Variants in AHNAK observed in about 807,000 individuals in gnomAD.
The protein encoded by AHNAK is neuroblast differentiation-associated protein AHNAK.
In AHNAK, 23 loss-of-function variants were observed where a neutral mutation model predicts 37.8. The observed-to-expected ratio is 0.61, with a 90% CI of 0.44 to 0.86. The LOEUF (loss-of-function observed/expected upper bound fraction) is 0.86, where lower values mean the gene tolerates loss of function less well. Ranked by LOEUF, AHNAK falls within the 40% of genes least tolerant of loss-of-function variation. The pLI, the probability that AHNAK is intolerant of heterozygous loss-of-function variation, is 0.00. For synonymous variants in AHNAK, 2,481 were observed against 2,636.3 expected, an observed-to-expected ratio of 0.94 and a Z score of 1.80; for missense variants, 7,411 against 7,319.4, an observed-to-expected ratio of 1.01 and a Z score of -0.46.
chr11:62,433,989 A>G, intron 5 of AHNAK: 1 of 1,470,980 alleles, frequency 6.8e-7, no homozygotes. Context: ...AACTGAAAGA[A>G]GGTCCCCCCA....
chr11:62,487,158 G>T (rs896753584), intron 5 of AHNAK, among the ~76,000 whole-genome samples: 5 of 152,258 alleles, frequency 3.3e-5, no homozygotes, highest in Admixed American at 2.6e-4. Context: ...CTGATAAAGG[G>T]GTATAATTAC....
Position 62,535,856 on chromosome 11 carries a change from C to G in AHNAK, c.154+89G>C. 3 of 1,500,250 alleles carry G rather than the reference C, an allele frequency of 2.0e-6. No individual in the cohort carries two copies. In the East Asian group the frequency reaches 7.2e-5, roughly 36 times the overall value. The allele number at this position is 1,500,250 out of a possible 1,614,324, so 92.9% of individuals were successfully genotyped here. A position where few individuals can be genotyped will look rare whatever the true frequency, so the allele number is the denominator to read the frequency against. ...GAATGGGCCCTCGACAGCCACTCACCCACTTCTGCCTGCTCCCTGCCCTTC... is the reference window on the plus strand; with the variant it reads ...GAATGGGCCCTCGACAGCCACTCACGCACTTCTGCCTGCTCCCTGCCCTTC... On this transcript the variant is annotated intron_variant, in intron 3 of 4. Coordinates refer to ENST00000378024, the MANE Select transcript of AHNAK (RefSeq NM_001620.3).
Position 62,520,239 on chromosome 11 carries a change from A to C in AHNAK, c.14178T>G (p.Ile4726Met), listed in dbSNP as rs1940185141. The stretch of plus-strand genomic sequence containing the variant: ...CTTTGGGTCCTTTCAGGTTTAAGTC[A>C]ATATCAGGCATGGAGATCTTGGGGG... ...IKAPKISMPD[I>M]DLNLKGPKVK... The change falls in exon 5 of 5, where the codon ATT becomes ATG. Residue 4726 changes from isoleucine (I) to methionine (M), a missense_variant. Ile to Met is a conservative substitution (Grantham distance 10). Transcript: ENST00000378024. 4 of 1,611,688 alleles carry C rather than the reference A, an allele frequency of 2.5e-6. No individual in the cohort carries two copies. Among genetic ancestry groups the C allele is most frequent in the African/African-American group, 2.7e-5 (2 of 73,980 alleles).
Position 62,529,987 on chromosome 11 carries a change from T to C in AHNAK, c.4430A>G (p.Glu1477Gly), listed in dbSNP as rs1002242714. 2.5e-5 allele frequency: 41 copies of C among 1,613,754 alleles called. No individual in the cohort carries two copies. Among genetic ancestry groups the C allele is most frequent in the Non-Finnish European group, 3.5e-5 (41 of 1,179,986 alleles). ...AACATCAGGAGCTTTTATCTCTCCT[T>C]CTACTTTTGGAACTGTTACATCATA... ...GDYDVTVPKVEGEIKAPDVDI... is the reference protein window; with the variant it reads ...GDYDVTVPKVGGEIKAPDVDI... The change falls in exon 5 of 5, where the codon GAA becomes GGA. Residue 1477 changes from glutamate (E) to glycine (G), a missense_variant. Coordinates refer to ENST00000378024, the MANE Select transcript of AHNAK (RefSeq NM_001620.3).
intron 5 of AHNAK, among the ~76,000 whole-genome samples, chr11:62,480,835 T>C (rs1056240462): frequency 3.5e-5 from 5 of 144,792 alleles, no homozygotes; most frequent in Non-Finnish European, 7.4e-5. Context: ...AAACCTGGAT[T>C]TGCTGCCTTC....
chr11:62,465,221 G>C (rs1938882364), intron 5 of AHNAK, among the ~76,000 whole-genome samples: 1 of 152,166 alleles, frequency 6.6e-6, no homozygotes. Context: ...GGTGGATAGA[G>C]TTCTGTCCCC....
rs1207184560 is a variant in AHNAK at position 62,533,051 on chromosome 11, G to A, written c.1366C>T (p.Pro456Ser). ...CCAGGAACAGTCACTTCACCTGTAGGCAGTGTCACATCAATCCCAGTTTCC... is the reference window on the plus strand; with the variant it reads ...CCAGGAACAGTCACTTCACCTGTAGACAGTGTCACATCAATCCCAGTTTCC... Reference protein sequence around the residue: ...GEETGIDVTLPTGEVTVPGVS... With the variant: ...GEETGIDVTLSTGEVTVPGVS... The change falls in exon 5 of 5, where the codon CCT becomes TCT. Residue 456 changes from proline (P) to serine (S), a missense_variant. Physicochemically the swap from Pro to Ser is moderately conservative, Grantham distance 74. Transcript: ENST00000378024. The A allele has an allele frequency of 6.2e-7, 1 of 1,612,060 alleles. No individual in the cohort carries two copies. The highest frequency in any genetic ancestry group is 1.7e-5 in the Admixed American group (1 of 59,488).
rs1367135729 is a variant in AHNAK, at chr11:62,529,744, G to A, written c.4673C>T (p.Pro1558Leu). ...CTTAGGGCCTTTTAGTTTCCCCTCTGGAGCTTCAAGATTCACATCTGGAAC... is the reference window on the plus strand; with the variant it reads ...CTTAGGGCCTTTTAGTTTCCCCTCTAGAGCTTCAAGATTCACATCTGGAAC... ...IDVPDVNLEAPEGKLKGPKFK... is the reference protein window; with the variant it reads ...IDVPDVNLEALEGKLKGPKFK... Residue 1558 changes from proline (P) to leucine (L), a missense_variant, in exon 5 of 5, where the codon CCA (proline) becomes CTA (leucine). By Grantham distance (98) the Pro-to-Leu change is moderately conservative. Coordinates refer to ENST00000378024, the MANE Select transcript of AHNAK (RefSeq NM_001620.3). 4.3e-6 allele frequency: 7 copies of A among 1,614,024 alleles called. No homozygotes were observed. Among genetic ancestry groups the A allele is most frequent in the Non-Finnish European group, 5.9e-6 (7 of 1,180,028 alleles).
chr11:62,447,136 C>T (rs1938436623), intron 5 of AHNAK, among the ~76,000 whole-genome samples: 1 of 152,112 alleles, frequency 6.6e-6, no homozygotes, highest in African/African-American at 2.4e-5. Context: ...TCCCACTCGA[C>T]CTCCCTGCAT....
intron 5 of AHNAK, among the ~76,000 whole-genome samples, chr11:62,469,817 CA>C (rs1316624832): frequency 6.6e-6 from 1 of 152,064 alleles, no homozygotes; most frequent in Admixed American, 6.6e-5. Flanking sequence ...GTAATTCCAC[CA>C]GGGGGAGAGG....
intron 5 of AHNAK, among the ~76,000 whole-genome samples, chr11:62,480,035 C>A (rs946859566): frequency 6.6e-6 from 1 of 152,124 alleles, no homozygotes; most frequent in African/African-American, 2.4e-5. Flanking sequence ...CCCCTCACCC[C>A]TGATTTCAAG....
chr11:62,518,702 G>T lies in AHNAK; in HGVS notation c.15715C>A (p.Pro5239Thr). 6.2e-7 allele frequency: 1 copy of T among 1,614,168 alleles called. No homozygotes were observed. Among genetic ancestry groups the T allele is most frequent in the East Asian group, 2.2e-5 (1 of 44,884 alleles). Residue 5239 changes from proline (P) to threonine (T), a missense_variant, in exon 5 of 5, where the codon CCC becomes ACC. Physicochemically the swap from Pro to Thr is conservative, Grantham distance 38 (BLOSUM62 -1). Coordinates refer to ENST00000378024, the MANE Select transcript of AHNAK (RefSeq NM_001620.3). ...AKIKFPKFSM[P>T]KIGIPGVKME... ...TTCACACCTGGGATGCCGATCTTGG[G>T]CATGGAAAACTTGGGGAACTTAATT...
chr11:62,492,568 C>T (rs1004927575), intron 4 of AHNAK, among the ~76,000 whole-genome samples: 10 of 152,068 alleles, frequency 6.6e-5, no homozygotes, highest in Non-Finnish European at 1.5e-4. Flanking sequence ...TAACACCATC[C>T]CAGGAAATTA....
Position 62,517,063 on chromosome 11 carries a change from T to C in AHNAK, c.17354A>G (p.Asp5785Gly). 6.2e-7 allele frequency: 1 copy of C among 1,614,212 alleles called. No homozygotes were observed. The highest frequency in any genetic ancestry group is 8.5e-7 in the Non-Finnish European group (1 of 1,180,044). Residue 5785 changes from aspartate to glycine, a missense_variant, in exon 5 of 5, where the codon GAT becomes GGT. Coordinates refer to ENST00000378024, the MANE Select transcript of AHNAK (RefSeq NM_001620.3). ...GGAAGGTCCAGAGAACTCTCTTTCA[T>C]CACTGAATGAATTTGAGCGGTGCCG... ...KPRHRSNSFS[D>G]EREFSGPSTP...
intron 5 of AHNAK, among the ~76,000 whole-genome samples, chr11:62,476,695 C>T (rs1037370068): frequency 6.6e-6 from 1 of 152,072 alleles, no homozygotes; most frequent in African/African-American, 2.4e-5. Flanking sequence ...AACAATGAAC[C>T]ATTTCTCGAT....
chr11:62,518,561 C>G lies in AHNAK; in HGVS notation c.15856G>C (p.Asp5286His). 6.2e-7 allele frequency: 1 copy of G among 1,614,196 alleles called. No individual in the cohort carries two copies. Among genetic ancestry groups the G allele is most frequent in the Non-Finnish European group, 8.5e-7 (1 of 1,180,030 alleles). Reference protein sequence around the residue: ...PDVSLKGPGVDLPSVNLSMPK... With the variant: ...PDVSLKGPGVHLPSVNLSMPK... Reference sequence around the variant, plus strand: ...ATAGAGAGGTTCACTGAAGGCAAGTCTACTCCTGGCCCCTTTAGAGAAACA... The same window carrying G: ...ATAGAGAGGTTCACTGAAGGCAAGTGTACTCCTGGCCCCTTTAGAGAAACA... The change falls in exon 5 of 5, where the codon GAC becomes CAC. Residue 5286 changes from aspartate (D) to histidine (H), a missense_variant. Physicochemically the swap from Asp to His is moderately conservative, Grantham distance 81. Transcript: ENST00000378024.
At chr11:62,514,238 C>A (rs1449868913), downstream of AHNAK, among the ~76,000 whole-genome samples, 1 of 152,194 alleles carries the variant, frequency 6.6e-6, no homozygotes, top group Non-Finnish European at 1.5e-5. Context: ...CCCACTTACC[C>A]CACCCTCCAG....
Position 62,517,719 on chromosome 11 carries a change from GA to G in AHNAK, c.16697del (p.Ile5566ThrfsTer23). 1.9e-6 allele frequency: 3 copies of G among 1,614,172 alleles called. No individual in the cohort carries two copies. The highest frequency in any genetic ancestry group is 1.7e-6 in the Non-Finnish European group (2 of 1,180,036). ...DFGINLKGPK[I>X]KGGADVSGGV... Reference sequence around the variant, plus strand: ...CCCCTGAAACATCCGCACCTCCTTTGATTTTTGGGCCCTTCAAGTTGATGCC... The same window carrying G: ...CCCCTGAAACATCCGCACCTCCTTTGTTTTTGGGCCCTTCAAGTTGATGCC... On this transcript the variant is annotated frameshift_variant, in exon 5 of 5. Coordinates refer to ENST00000378024, the MANE Select transcript of AHNAK (RefSeq NM_001620.3). LOFTEE classifies it high-confidence loss of function.
chr11:62,525,086 C>T lies in AHNAK; in HGVS notation c.9331G>A (p.Val3111Met), dbSNP rs376071907. ...TCACCTTCCACTTTTGGCAGAGACA[C>T]ATCCATGTCACCCTTCACTTTGGGA... is the stretch of plus-strand genomic sequence containing the variant. ...KGPKVKGDMD[V>M]SLPKVEGDMK... The change falls in exon 5 of 5, where the codon GTG (valine) becomes ATG (methionine). Residue 3111 changes from valine to methionine, a missense_variant. Transcript: ENST00000378024. 1.5e-5 allele frequency: 24 copies of T among 1,613,944 alleles called. No homozygotes were observed. The East Asian group carries it at 1.6e-4, about 10-fold the overall frequency.
Sources: gnomAD v4.1 joint callset for allele counts (sites outside exome capture counted in the v4.1 genomes callset) on GRCh38, gnomAD v4.1.1 for gene constraint, MANE v1.5 for transcripts, NCBI Gene and HGNC (gene_info 2026-07-23, HGNC 2026-07-21) for gene names.